The following CNTNAP2 variants were observed in gnomAD, a reference collection of about 807,000 sequenced individuals.
CNTNAP2 encodes contactin associated protein 2, also known as contactin-associated protein-like 2.
CNTNAP2 carries 98 observed loss-of-function variants against 155.2 expected under a neutral mutation model. The observed-to-expected ratio is 0.63, with a 90% confidence interval of 0.54 to 0.75. The LOEUF (loss-of-function observed/expected upper bound fraction) is 0.75. Ranked by LOEUF, CNTNAP2 falls within the 30% of genes least tolerant of loss-of-function variation. The pLI is 0.00. For missense variants in CNTNAP2, 1,727 were observed against 1,688.1 expected (o/e 1.02, Z -0.40); for synonymous variants, 651 against 631.2 (o/e 1.03, Z -0.47).
intron 8 of CNTNAP2, among the ~76,000 whole-genome samples, chr7:147,290,704 A>C (rs1023227611): frequency 6.7e-6 from 1 of 148,580 alleles, no homozygotes; most frequent in Admixed American, 6.7e-5. Flanking sequence ...AAAAAAAAAA[A>C]AGGCACTGGA....
intron 1 of CNTNAP2, among the ~76,000 whole-genome samples, chr7:146,409,223 T>C: frequency 1.3e-5 from 2 of 152,294 alleles, no homozygotes; most frequent in Middle Eastern, 6.8e-3. Context: ...CAATACAGTA[T>C]TAAATATCTA....
rs115342031 is a variant in CNTNAP2 at position 146,598,181 on chromosome 7, G to A, written c.98-176090G>A. Among the ~76,000 whole-genome samples the A allele has an allele frequency of 2.3e-3, 345 of 152,204 alleles. 1 individual carries two copies. Among genetic ancestry groups the A allele is most frequent in the African/African-American group, 8.0e-3 (331 of 41,532 alleles). ...CCATTGAATTAAATGGGCTGTTTCT[G>A]CTGTCTGGGCACCATCCCATTCATA... On this transcript the variant is annotated intron_variant, in intron 1 of 23. Coordinates refer to ENST00000361727, the MANE Select transcript of CNTNAP2 (RefSeq NM_014141.6).
chr7:146,788,646 A>G (rs1802620129), intron 2 of CNTNAP2, among the ~76,000 whole-genome samples: 1 of 152,178 alleles, frequency 6.6e-6, no homozygotes, highest in South Asian at 2.1e-4. Flanking sequence ...GTATTAAAGT[A>G]TAAGCACTTC....
chr7:148,285,796 C>T (rs906250239), intron 21 of CNTNAP2, among the ~76,000 whole-genome samples: 2 of 152,152 alleles, frequency 1.3e-5, no homozygotes, highest in Non-Finnish European at 2.9e-5. Context: ...GAGAGATAGG[C>T]ATAGTACAGG....
intron 14 of CNTNAP2, among the ~76,000 whole-genome samples, chr7:147,917,259 T>G (rs1800177034): frequency 6.6e-6 from 1 of 152,236 alleles, no homozygotes; most frequent in African/African-American, 2.4e-5. Flanking sequence ...CCATCTTTGA[T>G]TTTGCAATTT....
At chr7:146,685,572 A>G (rs1433032856) in intron 1 of CNTNAP2, among the ~76,000 whole-genome samples, 1 of 152,182 alleles carries the variant, frequency 6.6e-6, no homozygotes, top group Non-Finnish European at 1.5e-5. Flanking sequence ...TGCCCGATTT[A>G]TCTCTGCATT....
chr7:147,209,809 A>G (rs1803106818), intron 8 of CNTNAP2, among the ~76,000 whole-genome samples: 2 of 151,866 alleles, frequency 1.3e-5, no homozygotes, highest in African/African-American at 4.8e-5. Flanking sequence ...GTTGAATTTT[A>G]TTATAAACTT....
Position 147,639,086 on chromosome 7 carries a change from G to C in CNTNAP2, c.1898-20G>C. Reference sequence around the variant, plus strand: ...TTGCATACTAATGATCCAGGGTCCTGGTTGTTTTTCTCCCCACAGAGGACA... The same window carrying C: ...TTGCATACTAATGATCCAGGGTCCTCGTTGTTTTTCTCCCCACAGAGGACA... On this transcript the variant is annotated intron_variant, in intron 12 of 23. Coordinates refer to ENST00000361727, the MANE Select transcript of CNTNAP2 (RefSeq NM_014141.6). 1.2e-6 allele frequency: 2 copies of C among 1,612,364 alleles called. No homozygotes were observed. Among genetic ancestry groups the C allele is most frequent in the Non-Finnish European group, 1.7e-6 (2 of 1,178,570 alleles).
chr7:148,355,774 A>G lies in CNTNAP2; in HGVS notation c.3476-27875A>G, dbSNP rs192236457. ...TTTTACTTTGAAAACAAAGTAATAG[A>G]CTGTACAGTTAAAGGACAGCAGAAT... On this transcript the variant is annotated intron_variant, in intron 21 of 23. Coordinates refer to ENST00000361727, the MANE Select transcript of CNTNAP2 (RefSeq NM_014141.6). Among the ~76,000 whole-genome samples the G allele has an allele frequency of 2.6e-5, 4 of 152,332 alleles. No individual in the cohort carries two copies. In the East Asian group the frequency reaches 7.7e-4, roughly 29 times the overall value.
chr7:147,055,461 C>T (rs968584673), intron 4 of CNTNAP2, among the ~76,000 whole-genome samples: 3 of 152,152 alleles, frequency 2.0e-5, no homozygotes, highest in African/African-American at 7.2e-5. Flanking sequence ...GCTTGTCCCT[C>T]TGTTTTAATT....
intron 1 of CNTNAP2, among the ~76,000 whole-genome samples, chr7:146,718,987 C>T (rs1409157676): frequency 6.6e-6 from 1 of 152,132 alleles, no homozygotes; most frequent in African/African-American, 2.4e-5. Context: ...ACATGCCTTT[C>T]TCCTAGGGGT....
chr7:147,919,459 C>CTTTCTTTCT (rs58537091), intron 14 of CNTNAP2, among the ~76,000 whole-genome samples: 593 of 51,282 alleles, frequency 0.012, 99 homozygotes, highest in African/African-American at 0.061. Context: ...CTTTTTCTTT[C>CTTTCTTTCT]TTTTTTTTTT....
chr7:146,316,849 G>A (rs1381263975), intron 1 of CNTNAP2, among the ~76,000 whole-genome samples: 5 of 151,818 alleles, frequency 3.3e-5, no homozygotes, highest in Non-Finnish European at 7.4e-5. Context: ...CACTCTATCA[G>A]AGGGGCACTG....
At chr7:148,303,611 C>T (rs1475402873) in intron 21 of CNTNAP2, among the ~76,000 whole-genome samples, 2 of 152,136 alleles carry the variant, frequency 1.3e-5, no homozygotes, top group Admixed American at 6.5e-5. Context: ...CATCCCAGAC[C>T]CCAGAATAGA....
chr7:146,250,117 T>C (rs1346557170), intron 1 of CNTNAP2, among the ~76,000 whole-genome samples: 1 of 152,104 alleles, frequency 6.6e-6, no homozygotes, highest in Non-Finnish European at 1.5e-5. Context: ...ACCTAAAATA[T>C]CATCAGGGTA....
At chr7:146,918,239 C>T (rs1796433125) in intron 3 of CNTNAP2, among the ~76,000 whole-genome samples, 1 of 151,846 alleles carries the variant, frequency 6.6e-6, no homozygotes, top group South Asian at 2.1e-4. Context: ...TTCCTGAATA[C>T]CTTGGTTTAT....
At chr7:147,559,361 C>G (rs1262260652) in intron 11 of CNTNAP2, among the ~76,000 whole-genome samples, 1 of 152,112 alleles carries the variant, frequency 6.6e-6, no homozygotes, top group Non-Finnish European at 1.5e-5. Context: ...TTAGGATAAC[C>G]CAAGTTCTTG....
Position 148,117,301 on chromosome 7 carries a change from C to T in CNTNAP2, c.2384-817C>T, listed in dbSNP as rs893981421. Among the ~76,000 whole-genome samples, 16 of 152,260 alleles carry T rather than the reference C, an allele frequency of 1.1e-4. No individual in the cohort carries two copies. In the East Asian group the frequency reaches 3.1e-3, roughly 29 times the overall value. On this transcript the variant is annotated intron_variant, in intron 15 of 23. Transcript: ENST00000361727. ...CCATACTATACAACAATCCCACAGG[C>T]CAGAGCCTCACCTGCAGTCCCCAGG... is the stretch of plus-strand genomic sequence containing the variant.
intron 1 of CNTNAP2, among the ~76,000 whole-genome samples, chr7:146,544,558 G>A (rs918086075): frequency 2.6e-4 from 39 of 151,852 alleles, no homozygotes. Context: ...AGGAATAGTT[G>A]TATTTTCCCT....
Sources: allele counts gnomAD v4.1 joint callset (sites outside exome capture counted in the v4.1 genomes callset), GRCh38; gene constraint gnomAD v4.1.1; transcripts MANE v1.5; gene names NCBI Gene and HGNC (gene_info 2026-07-23, HGNC 2026-07-21).